Variants in CHRNA7 observed in about 807,000 individuals in gnomAD.
CHRNA7 encodes the protein neuronal acetylcholine receptor subunit alpha-7.
Under a neutral mutation model 48.0 loss-of-function variants are expected in CHRNA7, and 17 were observed. The observed-to-expected ratio is 0.35, with a 90% confidence interval of 0.24 to 0.53. The LOEUF (loss-of-function observed/expected upper bound fraction) is 0.53, where lower values mean the gene tolerates loss of function less well. Ranked by LOEUF, CHRNA7 falls within the 20% of genes least tolerant of loss-of-function variation. The probability of loss-of-function intolerance (pLI) is 0.92; values close to 1 mark genes in which losing one functional copy is unlikely to be tolerated. For missense variants in CHRNA7, 155 were observed against 577.7 expected, an observed-to-expected ratio of 0.27 and a Z score of 7.50; for synonymous variants, 75 against 242.3, an observed-to-expected ratio of 0.31 and a Z score of 6.41.
At chr15:32,055,804 C>T (rs183591751) in intron 2 of CHRNA7, among the ~76,000 whole-genome samples, 1 of 152,144 alleles carries the variant, frequency 6.6e-6, no homozygotes, top group East Asian at 1.9e-4. Flanking sequence ...ACAGTGAAAC[C>T]CTGTCTCTAC....
chr15:32,063,336 A>G (rs1237108981), intron 2 of CHRNA7, among the ~76,000 whole-genome samples: 4 of 152,212 alleles, frequency 2.6e-5, no homozygotes, highest in African/African-American at 7.2e-5. Context: ...CCACTTTCAG[A>G]TACGCTGTCC....
At chr15:32,117,719 T>C (rs2050897892) in intron 4 of CHRNA7, among the ~76,000 whole-genome samples, 1 of 152,108 alleles carries the variant, frequency 6.6e-6, no homozygotes, top group Non-Finnish European at 1.5e-5. Context: ...GTATCTATTA[T>C]GGAGTCATGG....
intron 2 of CHRNA7, among the ~76,000 whole-genome samples, chr15:32,067,276 A>T (rs2141212774): frequency 6.6e-6 from 1 of 152,368 alleles, no homozygotes; most frequent in Non-Finnish European, 1.5e-5. Flanking sequence ...AAGCAGCAGG[A>T]GAGAACCAAC....
intron 4 of CHRNA7, among the ~76,000 whole-genome samples, chr15:32,115,325 G>A (rs1188303048): frequency 1.3e-5 from 2 of 152,200 alleles, no homozygotes; most frequent in East Asian, 1.9e-4. Flanking sequence ...GGGAAGGCAC[G>A]CTCCGCCATG....
At chr15:32,069,059 A>G (rs2050012657) in intron 2 of CHRNA7, among the ~76,000 whole-genome samples, 1 of 152,232 alleles carries the variant, frequency 6.6e-6, no homozygotes, top group African/African-American at 2.4e-5. Context: ...AAACAACTAC[A>G]TAAAGCAATA....
chr15:32,137,775 CAT>C (rs1476675275), intron 4 of CHRNA7, among the ~76,000 whole-genome samples: 2 of 152,192 alleles, frequency 1.3e-5, no homozygotes, highest in African/African-American at 4.8e-5. Flanking sequence ...CATGCACTCA[CAT>C]ATGTATAGGA....
chr15:32,065,815 C>G (rs1361985237), intron 2 of CHRNA7, among the ~76,000 whole-genome samples: 2 of 152,006 alleles, frequency 1.3e-5, no homozygotes, highest in Non-Finnish European at 2.9e-5. Flanking sequence ...GAAGGTGTGT[C>G]ACAGCACACA....
At chr15:32,156,504 C>T (rs1241194311) in intron 5 of CHRNA7, 1 of 44,780 alleles carries the variant, frequency 2.2e-5, no homozygotes, top group Non-Finnish European at 5.1e-5. Context: ...AGCCCTGCCC[C>T]AGGAACACCT....
In CHRNA7 at chr15:32,121,704, C is replaced by T. The variant is rs151262477; in HGVS notation, c.350+9805C>T. On this transcript the variant is annotated intron_variant, in intron 4 of 9. Transcript: ENST00000306901. ...ACAGCCCGGGTTTGTGCCTGAGGTC[C>T]TGGCACTGCTGTTAATGGTGCCTTT... Among the ~76,000 whole-genome samples the T allele has an allele frequency of 7.3e-3, 1,105 of 152,316 alleles. 4 individuals are homozygous for T. The highest frequency in any genetic ancestry group is 0.01 in the Non-Finnish European group (711 of 68,028).
intron 2 of CHRNA7, among the ~76,000 whole-genome samples, chr15:32,035,431 A>T (rs1310841706): frequency 6.6e-6 from 1 of 152,238 alleles, no homozygotes. Flanking sequence ...ACATAATTAT[A>T]CAAGATTGAC....
Position 32,105,257 on chromosome 15 carries a change from A to T in CHRNA7, c.240+3910A>T, listed in dbSNP as rs142590486. 7.8e-3 allele frequency among the ~76,000 whole-genome samples: 1,185 copies of T among 152,358 alleles called. 18 individuals are homozygous for T. Among genetic ancestry groups the T allele is most frequent in the African/African-American group, 0.027 (1,110 of 41,574 alleles). ...TAAACTGGGCCAGGTGAGGGGACCC[A>T]GAAATACATAACCCAGTTTCTACCT... On this transcript the variant is annotated intron_variant, in intron 3 of 9. Transcript: ENST00000306901.
chr15:32,063,687 A>G (rs899964210), intron 2 of CHRNA7, among the ~76,000 whole-genome samples: 2 of 152,160 alleles, frequency 1.3e-5, no homozygotes, highest in African/African-American at 4.8e-5. Flanking sequence ...CAGTTCTCCA[A>G]TCACTTGGTT....
At chr15:32,040,362 A>G (rs1344430263) in intron 2 of CHRNA7, among the ~76,000 whole-genome samples, 1 of 151,824 alleles carries the variant, frequency 6.6e-6, no homozygotes, top group African/African-American at 2.4e-5. Flanking sequence ...TGGACATTTT[A>G]TATGGTTATG....
chr15:32,130,906 A>G (rs1189527970), intron 4 of CHRNA7, among the ~76,000 whole-genome samples: 1 of 151,828 alleles, frequency 6.6e-6, no homozygotes, highest in Non-Finnish European at 1.5e-5. Context: ...ACATTTCTTC[A>G]TTATTCCTGA....
intron 2 of CHRNA7, among the ~76,000 whole-genome samples, chr15:32,038,352 A>G (rs1038989000): frequency 3.3e-5 from 5 of 151,872 alleles, no homozygotes; most frequent in African/African-American, 9.7e-5. Flanking sequence ...GATGAATAGG[A>G]GTTGGATTAT....
chr15:32,047,672 C>T (rs1228057519), intron 2 of CHRNA7, among the ~76,000 whole-genome samples: 1 of 152,102 alleles, frequency 6.6e-6, no homozygotes. Flanking sequence ...TTTCCTTCTC[C>T]TGCCTGATTG....
chr15:32,073,795 C>T (rs1250957292), intron 2 of CHRNA7, among the ~76,000 whole-genome samples: 1 of 152,146 alleles, frequency 6.6e-6, no homozygotes, highest in Non-Finnish European at 1.5e-5. Context: ...CCCCTTTTGC[C>T]TTCCACAATG....
intron 4 of CHRNA7, among the ~76,000 whole-genome samples, chr15:32,115,858 C>T (rs930380568): frequency 2.6e-5 from 4 of 151,970 alleles, no homozygotes; most frequent in Non-Finnish European, 4.4e-5. Context: ...TAATACAGTG[C>T]GGCTAAGAAC....
intron 2 of CHRNA7, among the ~76,000 whole-genome samples, chr15:32,034,090 A>G (rs1901971473): frequency 6.6e-6 from 1 of 152,220 alleles, no homozygotes; most frequent in Non-Finnish European, 1.5e-5. Flanking sequence ...CCAAAATTAC[A>G]TGTGATGAAA....
Sources: gnomAD v4.1 joint callset for allele counts (sites outside exome capture counted in the v4.1 genomes callset) on GRCh38, gnomAD v4.1.1 for gene constraint, MANE v1.5 for transcripts, NCBI Gene and HGNC (gene_info 2026-07-23, HGNC 2026-07-21) for gene names.